The following VAV3 variants were observed in gnomAD, a reference collection of about 807,000 sequenced individuals.
The protein encoded by VAV3 is guanine nucleotide exchange factor VAV3.
Under a neutral mutation model 131.2 loss-of-function variants are expected in VAV3, and 94 were observed. The ratio of observed to expected loss-of-function variants is 0.72; its 90% confidence interval spans 0.61 to 0.85. The LOEUF (loss-of-function observed/expected upper bound fraction) is 0.85, where lower values mean the gene tolerates loss of function less well. Ranked by LOEUF, VAV3 falls within the 40% of genes least tolerant of loss-of-function variation. The pLI is 0.00. For synonymous variants in VAV3, 349 were observed against 342.0 expected (o/e 1.02, Z -0.22); for missense variants, 939 against 1,002.7 (o/e 0.94, Z 0.86).
rs56340113 is a variant in VAV3 at position 107,596,146 on chromosome 1, GT to G, written c.2350+65del. 15 of 1,571,792 alleles carry G rather than the reference GT, an allele frequency of 9.5e-6. No individual in the cohort carries two copies. The East Asian group carries it at 3.4e-4, about 35-fold the overall frequency. On this transcript the variant is annotated intron_variant, in intron 25 of 26. Transcript: ENST00000370056. ...ATATTTTAAAATTTGGAAGGAAGATGTTTAATGTTATTGTGCCCCTAATTTT... is the reference window on the plus strand; with the variant it reads ...ATATTTTAAAATTTGGAAGGAAGATGTTAATGTTATTGTGCCCCTAATTTT...
At chr1:107,658,090 G>A (rs1407722587) in intron 19 of VAV3, among the ~76,000 whole-genome samples, 2 of 152,110 alleles carry the variant, frequency 1.3e-5, no homozygotes, top group Non-Finnish European at 2.9e-5. Flanking sequence ...AAAGAAAACC[G>A]TACTTCCTTT....
chr1:107,628,622 T>C (rs1654216187), intron 20 of VAV3, among the ~76,000 whole-genome samples: 1 of 152,266 alleles, frequency 6.6e-6, no homozygotes, highest in Admixed American at 6.5e-5. Context: ...CATAAAGTGA[T>C]GTTTTGTTTA....
intron 2 of VAV3, among the ~76,000 whole-genome samples, chr1:107,792,966 CTGTT>C (rs1428478111): frequency 6.6e-6 from 1 of 152,070 alleles, no homozygotes; most frequent in African/African-American, 2.4e-5. Context: ...TAAAAGTTAT[CTGTT>C]TATCAGTATA....
At chr1:107,952,578 G>A (rs1486837949) in intron 1 of VAV3, among the ~76,000 whole-genome samples, 1 of 150,658 alleles carries the variant, frequency 6.6e-6, no homozygotes, top group Admixed American at 6.6e-5. Context: ...TGACATTAGT[G>A]GTATAATGTA....
At chr1:107,574,999 G>GTA (rs1558059627) in intron 25 of VAV3, among the ~76,000 whole-genome samples, 9 of 51,154 alleles carry the variant, frequency 1.8e-4, no homozygotes, top group Non-Finnish European at 2.3e-4. Flanking sequence ...GTGTGCGTGC[G>GTA]TGCGCGCGCG....
intron 2 of VAV3, among the ~76,000 whole-genome samples, chr1:107,828,092 G>C (rs1255207839): frequency 6.6e-6 from 1 of 152,162 alleles, no homozygotes; most frequent in African/African-American, 2.4e-5. Context: ...GTTTTGGTGA[G>C]TGAATTTGAA....
In VAV3 at chr1:107,872,691, C is replaced by T. The variant is rs960411220; in HGVS notation, c.321+2210G>A. 2.0e-5 allele frequency among the ~76,000 whole-genome samples: 3 copies of T among 152,204 alleles called. No individual in the cohort carries two copies. The South Asian group carries it at 6.2e-4, about 32-fold the overall frequency. The stretch of plus-strand genomic sequence containing the variant: ...ATTCCCTCAATATATGCAAAGTACA[C>T]GTTATGTGCTATGTGAATGTTTGCA... On this transcript the variant is annotated intron_variant, in intron 2 of 26. Coordinates refer to ENST00000370056, the MANE Select transcript of VAV3 (RefSeq NM_006113.5).
Position 107,965,069 on chromosome 1 carries a change from G to C in VAV3, c.-200C>G. On this transcript the variant is annotated 5_prime_UTR_variant, in exon 1 of 27. Transcript: ENST00000370056. ...TCGGCTCCGGTCCCGGCCCGGGTGCGCCGCGACCCGGCCGCCGCTGCAGCG... is the reference window on the plus strand; with the variant it reads ...TCGGCTCCGGTCCCGGCCCGGGTGCCCCGCGACCCGGCCGCCGCTGCAGCG... 1.1e-5 allele frequency: 2 copies of C among 188,146 alleles called. No homozygotes were observed. The highest frequency in any genetic ancestry group is 2.0e-5 in the Non-Finnish European group (2 of 102,512). The allele number at this position is 188,146 out of a possible 1,614,324, so 11.7% of individuals were successfully genotyped here. A position where few individuals can be genotyped will look rare whatever the true frequency, so the allele number is the denominator to read the frequency against.
At chr1:107,823,650 T>C (rs1188701803) in intron 2 of VAV3, among the ~76,000 whole-genome samples, 1 of 152,198 alleles carries the variant, frequency 6.6e-6, no homozygotes, top group Non-Finnish European at 1.5e-5. Flanking sequence ...ACCAAATGTT[T>C]GTATCTCCAC....
chr1:107,904,856 T>C (rs1434805242), intron 1 of VAV3, among the ~76,000 whole-genome samples: 1 of 152,214 alleles, frequency 6.6e-6, no homozygotes, highest in Non-Finnish European at 1.5e-5. Flanking sequence ...TATTCAATAT[T>C]GATAAATGCT....
At chr1:107,634,227 C>T (rs922408695) in intron 20 of VAV3, among the ~76,000 whole-genome samples, 2 of 152,108 alleles carry the variant, frequency 1.3e-5, no homozygotes, top group African/African-American at 4.8e-5. Context: ...AACTATACTA[C>T]AAGGCTACAG....
chr1:107,863,217 C>T (rs1032791382), intron 2 of VAV3, among the ~76,000 whole-genome samples: 3 of 152,150 alleles, frequency 2.0e-5, no homozygotes, highest in Admixed American at 6.5e-5. Flanking sequence ...CTCTTCTCAT[C>T]CTCTGACCAC....
chr1:107,779,872 TTTAAA>T (rs1303232580), intron 2 of VAV3, among the ~76,000 whole-genome samples: 4 of 152,168 alleles, frequency 2.6e-5, no homozygotes, highest in African/African-American at 4.8e-5. Context: ...CATGAGGCTA[TTTAAA>T]TTAATTTAAA....
rs1668149253 is a variant in VAV3, at chr1:107,829,368, C to CA, written c.321+45532dup. Among the ~76,000 whole-genome samples the CA allele has an allele frequency of 2.0e-5, 3 of 152,244 alleles. No individual in the cohort carries two copies. In the East Asian group the frequency reaches 5.8e-4, roughly 29 times the overall value. On this transcript the variant is annotated intron_variant, in intron 2 of 26. Transcript: ENST00000370056. ...GGCTCCTCTCCTAGCTGCATTCTGT[C>CA]AGCAAGCCATGTAAAAATACAAAGT...
intron 15 of VAV3, among the ~76,000 whole-genome samples, chr1:107,706,658 T>C (rs1408423205): frequency 6.6e-6 from 1 of 152,202 alleles, no homozygotes; most frequent in African/African-American, 2.4e-5. Flanking sequence ...CATTTGATTC[T>C]TGAGTCCATA....
intron 1 of VAV3, among the ~76,000 whole-genome samples, chr1:107,922,864 ATG>A (rs1380809690): frequency 1.3e-5 from 2 of 151,608 alleles, no homozygotes; most frequent in Non-Finnish European, 2.9e-5. Flanking sequence ...AGGCGGGAGA[ATG>A]GCGTGAACCC....
chr1:107,957,651 C>A lies in VAV3; in HGVS notation c.204+7015G>T, dbSNP rs770820314. 1.2e-4 allele frequency among the ~76,000 whole-genome samples: 18 copies of A among 151,988 alleles called. No individual in the cohort carries two copies. The East Asian group carries it at 3.5e-3, about 29-fold the overall frequency. On this transcript the variant is annotated intron_variant, in intron 1 of 26. Coordinates refer to ENST00000370056, the MANE Select transcript of VAV3 (RefSeq NM_006113.5). ...AAGCCAGCAAACAAACAAACAAAAACTGAGAAGGAATAATAAGAGGTACAA... is the reference window on the plus strand; with the variant it reads ...AAGCCAGCAAACAAACAAACAAAAAATGAGAAGGAATAATAAGAGGTACAA...
At chr1:107,726,204 C>T (rs949486510) in intron 15 of VAV3, among the ~76,000 whole-genome samples, 3 of 152,066 alleles carry the variant, frequency 2.0e-5, no homozygotes, top group African/African-American at 7.2e-5. Context: ...CAAGGAAAAG[C>T]ACTGAGGAAT....
At position 107,784,012 on chromosome 1, in the gene VAV3, A is replaced by G. The variant is rs190257874; in HGVS notation, c.322-4520T>C. On this transcript the variant is annotated intron_variant, in intron 2 of 26. Transcript: ENST00000370056. ...GAGGTGGGGCTTGCAGTGAGCTGAG[A>G]TAGTGCCACTGCACTCCAGCCTGGG... is the stretch of plus-strand genomic sequence containing the variant. Among the ~76,000 whole-genome samples, 140 of 152,148 alleles carry G rather than the reference A, an allele frequency of 9.2e-4. 1 individual carries two copies. Among genetic ancestry groups the G allele is most frequent in the African/African-American group, 3.2e-3 (132 of 41,506 alleles).
Sources: allele counts gnomAD v4.1 joint callset (sites outside exome capture counted in the v4.1 genomes callset), GRCh38; gene constraint gnomAD v4.1.1; transcripts MANE v1.5; gene names NCBI Gene and HGNC (gene_info 2026-07-23, HGNC 2026-07-21).